Variants in CUX1 observed in about 807,000 individuals in gnomAD.
The protein encoded by CUX1 is cut like homeobox 1, also known as protein CASP.
CUX1 carries 31 observed loss-of-function variants against 158.8 expected under a neutral mutation model. That is an observed-to-expected ratio of 0.20 (90% confidence interval 0.15 to 0.26). CUX1 has a LOEUF of 0.26. CUX1 is among the 10% of genes least tolerant of loss of function. CUX1 has a pLI of 1.00. For missense variants in CUX1, 1,589 were observed against 2,014.6 expected (o/e 0.79, Z 4.04); for synonymous variants, 879 against 862.1 (o/e 1.02, Z -0.34).
intron 11 of CUX1, among the ~76,000 whole-genome samples, chr7:102,185,465 C>T (rs1793523840): frequency 6.6e-6 from 1 of 152,140 alleles, no homozygotes; most frequent in South Asian, 2.1e-4. Flanking sequence ...CACTCTTTTG[C>T]CTGGGGTGGA....
At chr7:102,151,378 C>T (rs1835637415) in intron 8 of CUX1, among the ~76,000 whole-genome samples, 1 of 151,988 alleles carries the variant, frequency 6.6e-6, no homozygotes, top group South Asian at 2.1e-4. Context: ...CACGATAAAA[C>T]CCCGTCTCTA....
chr7:101,825,330 A>G (rs1259054372), intron 1 of CUX1, among the ~76,000 whole-genome samples: 1 of 152,162 alleles, frequency 6.6e-6, no homozygotes, highest in Non-Finnish European at 1.5e-5. Flanking sequence ...CCGTATCTCA[A>G]CTCGTTGCTT....
intron 1 of CUX1, among the ~76,000 whole-genome samples, chr7:101,827,265 C>CTTCTCTTCTT: frequency 6.7e-6 from 1 of 148,506 alleles, no homozygotes; most frequent in Admixed American, 6.8e-5. Flanking sequence ...CTTCTCTTCT[C>CTTCTCTTCTT]TTCTCTTCTC....
intron 2 of CUX1, among the ~76,000 whole-genome samples, chr7:101,939,787 C>A (rs536372477): frequency 2.0e-5 from 3 of 150,728 alleles, no homozygotes; most frequent in Non-Finnish European, 4.4e-5. Context: ...CATAGTGAGA[C>A]CCCTGTCTAT....
intron 8 of CUX1, among the ~76,000 whole-genome samples, chr7:102,127,567 TTTTTTG>T (rs1169104157): frequency 2.6e-5 from 3 of 114,700 alleles, no homozygotes; most frequent in Non-Finnish European, 5.8e-5. Flanking sequence ...CTAGGGTTTG[TTTTTTG>T]TTTTTGTTTT....
In CUX1 at chr7:102,248,564, C is replaced by T. The variant is rs1554537884; in HGVS notation, c.4040C>T (p.Pro1347Leu). Residue 1347 changes from proline (P) to leucine (L), a missense_variant, in exon 24 of 24, where the codon CCA becomes CTA. Pro to Leu is a moderately conservative substitution (Grantham distance 98, BLOSUM62 -3). Around this residue, in one of 8 missense-constraint regions of CUX1, gnomAD observed 344 missense variants for 323.7 expected, o/e 1.06. Coordinates refer to ENST00000292535, the MANE Select transcript of CUX1 (RefSeq NM_181552.4). This position sits in a 1 kb window ranked among gnomAD's most constrained non-coding sequence, Gnocchi z 5.8. ...SCDGVEATEG[P>L]GSADTEEPKS... ...GACGGCGTGGAGGCCACTGAGGGCC[C>T]AGGCAGCGCCGACACCGAGGAGCCC... 1 of 1,491,476 alleles carries T rather than the reference C, an allele frequency of 6.7e-7. No homozygotes were observed. Among genetic ancestry groups the T allele is most frequent in the Non-Finnish European group, 8.9e-7 (1 of 1,125,390 alleles). The allele number at this position is 1,491,476 out of a possible 1,614,324, so 92.4% of individuals were successfully genotyped here.
chr7:102,273,062 G>C (rs1554546637), intron 14 of CUX1, among the ~76,000 whole-genome samples: 1 of 152,224 alleles, frequency 6.6e-6, no homozygotes, highest in African/African-American at 2.4e-5. Flanking sequence ...CGTGGGCAGA[G>C]CCACATTGCA....
At chr7:102,039,673 A>AG (rs1176622608) in intron 3 of CUX1, among the ~76,000 whole-genome samples, 1 of 151,842 alleles carries the variant, frequency 6.6e-6, no homozygotes, top group African/African-American at 2.4e-5. Flanking sequence ...AAAAAAAAAA[A>AG]AAAAAAGATT....
chr7:101,865,277 T>C (rs553078561), intron 1 of CUX1, among the ~76,000 whole-genome samples: 13 of 152,328 alleles, frequency 8.5e-5, no homozygotes, highest in African/African-American at 1.2e-4. Context: ...GTTGCTGTTA[T>C]TATAGACTGG....
chr7:102,224,648 G>GT (rs1798168069), intron 20 of CUX1, among the ~76,000 whole-genome samples: 1 of 152,192 alleles, frequency 6.6e-6, no homozygotes, highest in Admixed American at 6.5e-5. Context: ...AGGGACACCT[G>GT]TAACAGTAGT....
At chr7:101,929,467 C>T (rs141986716) in intron 2 of CUX1, among the ~76,000 whole-genome samples, 3 of 152,296 alleles carry the variant, frequency 2.0e-5, no homozygotes, top group Admixed American at 1.3e-4. Flanking sequence ...GAATGGAGAA[C>T]GTCATTCTGT....
chr7:102,134,834 G>A (rs1563292095), intron 8 of CUX1, among the ~76,000 whole-genome samples: 1 of 152,038 alleles, frequency 6.6e-6, no homozygotes, highest in Non-Finnish European at 1.5e-5. Context: ...GGGCTCAAGC[G>A]ATCCTCCCAC....
intron 1 of CUX1, among the ~76,000 whole-genome samples, chr7:101,827,057 A>G (rs1793386783): frequency 6.6e-6 from 1 of 152,150 alleles, no homozygotes; most frequent in Admixed American, 6.5e-5. Context: ...CTTTCTGTGC[A>G]AAGTAACATA....
Position 102,257,850 on chromosome 7 carries a change from CAG to C in CUX1, c.*8812_*8813del. ...CACAGATTTTTTTCTCCAATCCTCACAGAGACCCAATTGACCAAAAAAGAAAA... is the reference window on the plus strand; with the variant it reads ...CACAGATTTTTTTCTCCAATCCTCACAGACCCAATTGACCAAAAAAGAAAA... On this transcript the variant is annotated 3_prime_UTR_variant, in exon 24 of 24. Transcript: ENST00000292535. 1 of 981,916 alleles carries C rather than the reference CAG, an allele frequency of 1.0e-6. No individual in the cohort carries two copies. Among genetic ancestry groups the C allele is most frequent in the Non-Finnish European group, 1.2e-6 (1 of 829,476 alleles). 60.8% of individuals were successfully genotyped at this position (981,916 alleles called of 1,614,324 possible). A position where few individuals can be genotyped will look rare whatever the true frequency, so the allele number is the denominator to read the frequency against.
At chr7:101,913,696 T>C (rs1803786198) in intron 1 of CUX1, among the ~76,000 whole-genome samples, 1 of 152,078 alleles carries the variant, frequency 6.6e-6, no homozygotes, top group Non-Finnish European at 1.5e-5. Flanking sequence ...TGCCCACCGA[T>C]TGGGTAACCG....
At chr7:101,935,286 ACCTACCCAAAT>A (rs1806783979) in intron 2 of CUX1, among the ~76,000 whole-genome samples, 1 of 151,962 alleles carries the variant, frequency 6.6e-6, no homozygotes, top group Non-Finnish European at 1.5e-5. Context: ...ATTTTCCTTT[ACCTACCCAAAT>A]CCTATAAAAC....
chr7:101,915,720 G>A (rs904047924), intron 1 of CUX1, among the ~76,000 whole-genome samples: 1 of 152,160 alleles, frequency 6.6e-6, no homozygotes, highest in African/African-American at 2.4e-5. Flanking sequence ...GTGGCTGGCT[G>A]GAAGGAACCC....
intron 2 of CUX1, among the ~76,000 whole-genome samples, chr7:101,984,129 T>C (rs71559441): frequency 0.052 from 1,487 of 28,806 alleles, 130 homozygotes; most frequent in Non-Finnish European, 0.077. Context: ...TATATATATA[T>C]ACACACACAC....
chr7:102,150,399 A>G (rs1361193467), intron 8 of CUX1, among the ~76,000 whole-genome samples: 1 of 152,066 alleles, frequency 6.6e-6, no homozygotes, highest in African/African-American at 2.4e-5. Context: ...CAAGTGATCC[A>G]CCTACCTCGG....
Sources: gnomAD v4.1 joint callset for allele counts (sites outside exome capture counted in the v4.1 genomes callset) on GRCh38, gnomAD v4.1.1 for gene constraint, gnomAD v4.1.1 regional missense constraint, Gnocchi (gnomAD v3.1) non-coding constraint, MANE v1.5 for transcripts, NCBI Gene and HGNC (gene_info 2026-07-23, HGNC 2026-07-21) for gene names.